UMODL1: variants seen among roughly 807,000 people sequenced by gnomAD.
The protein encoded by UMODL1 is uromodulin like 1, also known as uromodulin-like 1.
A neutral mutation model predicts 136.3 loss-of-function variants in UMODL1; 128 were observed. The ratio of observed to expected loss-of-function variants is 0.94; its 90% CI spans 0.81 to 1.09. The LOEUF is 1.09. Among genes scored for constraint, UMODL1 ranks in the 50% least tolerant of loss-of-function variants. The pLI is 0.00. For missense variants in UMODL1, 1,766 were observed against 1,725.6 expected (o/e 1.02, Z -0.41); for synonymous variants, 721 against 720.0 (o/e 1.00, Z -0.02).
chr21:42,101,509 A>G (rs1369096095), intron 7 of UMODL1, among the ~76,000 whole-genome samples: 1 of 152,196 alleles, frequency 6.6e-6, no homozygotes, highest in African/African-American at 2.4e-5. Flanking sequence ...GCTGTTAGAT[A>G]ACTAGAGAAA....
At chr21:42,107,135 C>T (rs148459936) in intron 9 of UMODL1, among the ~76,000 whole-genome samples, 95 of 152,330 alleles carry the variant, frequency 6.2e-4, no homozygotes, top group South Asian at 1.5e-3. Context: ...CCTAACAGCA[C>T]GGCCCCTATT....
chr21:42,084,328 G>C, intron 3 of UMODL1, 83 bp downstream of exon 3: 1 of 1,472,150 alleles, frequency 6.8e-7, no homozygotes, highest in Non-Finnish European at 9.0e-7. Context: ...GTGTGGGGGG[G>C]AGTGTGTTTC....
intron 17 of UMODL1, among the ~76,000 whole-genome samples, chr21:42,125,784 C>A (rs1157496920): frequency 6.6e-6 from 1 of 152,166 alleles, no homozygotes; most frequent in East Asian, 1.9e-4. Flanking sequence ...GGCTGCGGGG[C>A]CAAGTGGAGG....
rs984753248 is a variant in UMODL1 at position 42,111,670 on chromosome 21, A to G, written c.2064A>G (p.Pro688=). Residue 688 remains proline, a synonymous_variant, in exon 12 of 23, where the codon CCA becomes CCG. Transcript: ENST00000408910. Reference sequence around the variant, plus strand: ...GACCCTCCGGTTCTGTAGACCTGCCATTGACCTCCACCCTCACAGCTCTGA... The same window carrying G: ...GACCCTCCGGTTCTGTAGACCTGCCGTTGACCTCCACCCTCACAGCTCTGA... ...DSGPSGSVDL[P]LTSTLTALKT... 2.0e-5 allele frequency: 32 copies of G among 1,613,882 alleles called. 1 individual carries two copies. In the East Asian group the frequency reaches 7.1e-4, roughly 36 times the overall value.
intron 12 of UMODL1, among the ~76,000 whole-genome samples, chr21:42,111,949 C>T (rs923153550): frequency 2.6e-5 from 4 of 152,146 alleles, no homozygotes; most frequent in Admixed American, 1.3e-4. Flanking sequence ...TTAGGGCTCC[C>T]TGTCTGCAGC....
Position 42,123,413 on chromosome 21 carries a change from A to G in UMODL1, c.3147+263A>G, listed in dbSNP as rs1601260850. ...GTCACGGCTTAAAACTCCTCCCTGC[A>G]CAGACAGGATGAGAGGCAGTGGGAC... On this transcript the variant is annotated intron_variant, in intron 17 of 22. Transcript: ENST00000408910. This position sits in a 1 kb window ranked among gnomAD's most constrained non-coding sequence, Gnocchi z 4.4. 6.6e-6 allele frequency among the ~76,000 whole-genome samples: 1 copy of G among 152,210 alleles called. No individual in the cohort carries two copies. The highest frequency in any genetic ancestry group is 2.1e-4 in the South Asian group (1 of 4,836).
In UMODL1 at chr21:42,122,670, T is replaced by C. The variant is rs866346952; in HGVS notation, c.2828-161T>C. On this transcript the variant is annotated intron_variant, in intron 16 of 22. Transcript: ENST00000408910. This position sits in a 1 kb window ranked among gnomAD's most constrained non-coding sequence, Gnocchi z 4.3. ...GTGTGTGCATATGTGTGCGTGTGTG[T>C]GTGTGTGTGTGCACGTGTGTAGTTG... 9.0e-3 allele frequency among the ~76,000 whole-genome samples: 1,313 copies of C among 146,008 alleles called. 15 individuals carry two copies. The highest frequency in any genetic ancestry group is 0.03 in the African/African-American group (1,237 of 41,134).
Position 42,084,236 on chromosome 21 carries a change from G to A in UMODL1, c.472G>A (p.Ala158Thr), listed in dbSNP as rs779130395. ...WSGGRYCMAPAPQAPERDPVG... is the reference protein window; with the variant it reads ...WSGGRYCMAPTPQAPERDPVG... Reference sequence around the variant, plus strand: ...AGGGGGGCGCTACTGCATGGCCCCTGCACCCCAAGGTAGGCTGCTGCGGGC... The same window carrying A: ...AGGGGGGCGCTACTGCATGGCCCCTACACCCCAAGGTAGGCTGCTGCGGGC... Residue 158 changes from alanine to threonine, a missense_variant, in exon 3 of 23, where the codon GCA becomes ACA. Ala to Thr is a moderately conservative substitution (Grantham distance 58). Coordinates refer to ENST00000408910, the MANE Select transcript of UMODL1 (RefSeq NM_001004416.3). The A allele has an allele frequency of 1.6e-5, 26 of 1,613,344 alleles. 1 individual carries two copies. In the East Asian group the frequency reaches 5.8e-4, roughly 36 times the overall value.
upstream of UMODL1, among the ~76,000 whole-genome samples, chr21:42,066,636 T>C (rs544512292): frequency 7.9e-5 from 12 of 152,334 alleles, 1 homozygote; most frequent in East Asian, 2.1e-3. Flanking sequence ...CCTCCTGTCA[T>C]GAAGATAGGA....
At chr21:42,069,864 C>G (rs1218149526), upstream of UMODL1, among the ~76,000 whole-genome samples, 1 of 147,282 alleles carries the variant, frequency 6.8e-6, no homozygotes, top group Admixed American at 6.6e-5. Context: ...AATAAAATTT[C>G]ACTTCCTTGA....
At chr21:42,101,263 G>T (rs935915290) in intron 7 of UMODL1, among the ~76,000 whole-genome samples, 2 of 152,146 alleles carry the variant, frequency 1.3e-5, no homozygotes, top group Non-Finnish European at 2.9e-5. Flanking sequence ...CCCTGGAGGA[G>T]GCCGCCAGTC....
upstream of UMODL1, among the ~76,000 whole-genome samples, chr21:42,069,471 T>A (rs1353080295): frequency 2.0e-5 from 3 of 152,328 alleles, no homozygotes; most frequent in East Asian, 5.8e-4. Context: ...TGTTCCCCTG[T>A]CTTGGGGTCT....
chr21:42,106,315 T>C (rs1403294671), intron 9 of UMODL1, among the ~76,000 whole-genome samples: 1 of 152,118 alleles, frequency 6.6e-6, no homozygotes, highest in African/African-American at 2.4e-5. Context: ...AGAAGACATT[T>C]GATATTACTC....
intron 21 of UMODL1, among the ~76,000 whole-genome samples, chr21:42,133,814 G>C (rs1298056327): frequency 6.6e-6 from 1 of 152,204 alleles, no homozygotes; most frequent in Non-Finnish European, 1.5e-5. Flanking sequence ...TTAACTAGTT[G>C]CACCTGCAAC....
At position 42,111,006 on chromosome 21, in the gene UMODL1, C is replaced by T. The variant is rs2066814858; in HGVS notation, c.1784C>T (p.Pro595Leu). The change falls in exon 11 of 23, where the codon CCT becomes CTT. Residue 595 changes from proline (P) to leucine (L), a missense_variant. Pro to Leu is a moderately conservative substitution (Grantham distance 98, BLOSUM62 -3). Transcript: ENST00000408910. ...ACCTTGTCACCCAGTCCTGGGTACC[C>T]TCAGGGCACCCCGGCAGCAGGCCAG... ...NFTLSPSPGY[P>L]QGTPAAGQAW... is the part of the protein sequence containing the mutation. 1 of 1,612,790 alleles carries T rather than the reference C, an allele frequency of 6.2e-7. No homozygotes were observed. The highest frequency in any genetic ancestry group is 1.3e-5 in the African/African-American group (1 of 74,932).
intron 14 of UMODL1, among the ~76,000 whole-genome samples, chr21:42,117,084 A>T (rs2066911036): frequency 8.5e-6 from 1 of 118,248 alleles, no homozygotes; most frequent in South Asian, 3.0e-4. Flanking sequence ...TCAAAAACAG[A>T]AAAAAAAAAG....
intron 16 of UMODL1, 128 bp downstream of exon 16, chr21:42,121,352 GT>G: frequency 8.8e-7 from 1 of 1,142,214 alleles, no homozygotes; most frequent in South Asian, 1.5e-5. Flanking sequence ...AGTTTCCTGT[GT>G]GTGATGTGGG....
chr21:42,064,411 A>C (rs2066167008), intron 1 of UMODL1, among the ~76,000 whole-genome samples: 1 of 152,128 alleles, frequency 6.6e-6, no homozygotes, highest in Admixed American at 6.5e-5. Flanking sequence ...CTGGGTCTTG[A>C]GTCTGCCTAC....
rs140892507 is a variant in UMODL1 at position 42,095,309 on chromosome 21, G to T, written c.932-3617G>T. 1.2e-3 allele frequency among the ~76,000 whole-genome samples: 178 copies of T among 151,986 alleles called. 4 individuals are homozygous for T. The East Asian group carries it at 0.03, about 25-fold the overall frequency. On this transcript the variant is annotated intron_variant, in intron 6 of 22. Coordinates refer to ENST00000408910, the MANE Select transcript of UMODL1 (RefSeq NM_001004416.3). Reference sequence around the variant, plus strand: ...AGGGTCTTGCTATATTGCCCAGGCTGGTTTCAAACTCCTGGGCTCAAGCCA... The same window carrying T: ...AGGGTCTTGCTATATTGCCCAGGCTTGTTTCAAACTCCTGGGCTCAAGCCA...
Sources: gnomAD v4.1 joint callset for allele counts (sites outside exome capture counted in the v4.1 genomes callset) on GRCh38, gnomAD v4.1.1 for gene constraint, Gnocchi (gnomAD v3.1) non-coding constraint, MANE v1.5 for transcripts, NCBI Gene and HGNC (gene_info 2026-07-23, HGNC 2026-07-21) for gene names.